RPRD1A: variants seen among roughly 807,000 people sequenced by gnomAD.
The protein encoded by RPRD1A is regulation of nuclear pre-mRNA domain-containing protein 1A.
RPRD1A carries 9 observed loss-of-function variants against 37.8 expected under a neutral mutation model. The ratio of observed to expected loss-of-function variants is 0.24; its 90% CI spans 0.14 to 0.42. The LOEUF is 0.42. RPRD1A is among the 10% of genes least tolerant of loss of function. RPRD1A has a pLI of 1.00. For missense variants in RPRD1A, 255 were observed against 371.0 expected (o/e 0.69, Z 2.57); for synonymous variants, 138 against 139.7 (o/e 0.99, Z 0.08).
intron 6 of RPRD1A, among the ~76,000 whole-genome samples, chr18:36,022,597 A>C (rs1044934256): frequency 1.3e-5 from 2 of 152,270 alleles, no homozygotes; most frequent in East Asian, 1.9e-4. Context: ...AAAAGAAACA[A>C]GTATAGATGA....
At chr18:36,056,690 A>G (rs1181984277) in intron 1 of RPRD1A, among the ~76,000 whole-genome samples, 1 of 152,138 alleles carries the variant, frequency 6.6e-6, no homozygotes, top group Non-Finnish European at 1.5e-5. Flanking sequence ...AGTATGGTAA[A>G]CCATTTTGTT....
chr18:36,052,655 A>C (rs941617483), intron 1 of RPRD1A, among the ~76,000 whole-genome samples: 25 of 152,164 alleles, frequency 1.6e-4, no homozygotes, highest in African/African-American at 4.1e-4. Flanking sequence ...GTGGAGTGCA[A>C]TCACACGATC....
In RPRD1A at chr18:36,048,034, C is replaced by T. The variant is rs1282124368; in HGVS notation, c.152-14197G>A. 4.0e-5 allele frequency among the ~76,000 whole-genome samples: 6 copies of T among 151,502 alleles called. No individual in the cohort carries two copies. The East Asian group carries it at 9.7e-4, about 24-fold the overall frequency. ...CAAAAAAGGAAAACTATAGACCAAC[C>T]ACCTTCATTAATACAGATGTACCCA... On this transcript the variant is annotated intron_variant, in intron 1 of 6. Coordinates refer to ENST00000399022, the MANE Select transcript of RPRD1A (RefSeq NM_018170.5).
At chr18:36,047,642 T>C (rs1913052842) in intron 1 of RPRD1A, among the ~76,000 whole-genome samples, 1 of 152,132 alleles carries the variant, frequency 6.6e-6, no homozygotes, top group Non-Finnish European at 1.5e-5. Flanking sequence ...TAAAACAGGA[T>C]ATCACTACAG....
At chr18:36,059,588 A>T (rs2144414063) in intron 1 of RPRD1A, among the ~76,000 whole-genome samples, 1 of 152,340 alleles carries the variant, frequency 6.6e-6, no homozygotes, top group South Asian at 2.1e-4. Flanking sequence ...AAGATTTAGA[A>T]TCTTCAATTT....
intron 6 of RPRD1A, among the ~76,000 whole-genome samples, chr18:36,016,082 GA>G (rs1910549335): frequency 6.6e-6 from 1 of 152,056 alleles, no homozygotes; most frequent in Admixed American, 6.5e-5. Context: ...AAAAGGCAAA[GA>G]GAAAAAAACT....
chr18:36,038,605 C>T (rs935648232), intron 1 of RPRD1A, among the ~76,000 whole-genome samples: 4 of 152,194 alleles, frequency 2.6e-5, no homozygotes, highest in South Asian at 2.1e-4. Context: ...GGGGTCCCCA[C>T]GAGGCACTGC....
intron 1 of RPRD1A, among the ~76,000 whole-genome samples, chr18:36,063,821 T>C (rs2088962663): frequency 6.6e-6 from 1 of 152,190 alleles, no homozygotes; most frequent in Non-Finnish European, 1.5e-5. Flanking sequence ...AAGGAAACCC[T>C]TGGCAGAGTA....
At chr18:36,041,547 A>C (rs923065742) in intron 1 of RPRD1A, among the ~76,000 whole-genome samples, 3 of 152,254 alleles carry the variant, frequency 2.0e-5, no homozygotes, top group Admixed American at 1.3e-4. Context: ...CAAACAAATT[A>C]AAAACACACA....
chr18:36,048,649 A>G (rs935079792), intron 1 of RPRD1A, among the ~76,000 whole-genome samples: 1 of 151,932 alleles, frequency 6.6e-6, no homozygotes, highest in Non-Finnish European at 1.5e-5. Context: ...CACCTAAAAA[A>G]AAAAAAGAAA....
At chr18:36,004,142 C>G (rs1464475310) in intron 6 of RPRD1A, among the ~76,000 whole-genome samples, 2 of 151,008 alleles carry the variant, frequency 1.3e-5, no homozygotes, top group Non-Finnish European at 2.9e-5. Context: ...AATTCTAGCT[C>G]TAACATGAAT....
At position 36,008,577 on chromosome 18, in the gene RPRD1A, G is replaced by GTGTATATATATATATATATATATA; in HGVS notation, c.790-15278_790-15277insTATATATATATATATATATATACA. Among the ~76,000 whole-genome samples, 27 of 47,796 alleles carry GTGTATATATATATATATATATATA rather than the reference G, an allele frequency of 5.6e-4. 1 individual carries two copies. Among genetic ancestry groups the GTGTATATATATATATATATATATA allele is most frequent in the African/African-American group, 1.8e-3 (27 of 14,816 alleles). The allele number at this position is 47,796 out of a possible 152,430, so 31.4% of individuals were successfully genotyped here. ...GGCGACACAGCAAGACCTTGTGTGTGTATATATATATATCTTTAAAAATCT... is the reference window on the plus strand; with the variant it reads ...GGCGACACAGCAAGACCTTGTGTGTGTGTATATATATATATATATATATATATATATATATATCTTTAAAAATCT... On this transcript the variant is annotated intron_variant, in intron 6 of 6. Coordinates refer to ENST00000399022, the MANE Select transcript of RPRD1A (RefSeq NM_018170.5).
chr18:36,025,800 T>G (rs538934311), intron 6 of RPRD1A: 38 of 336,214 alleles, frequency 1.1e-4, no homozygotes, highest in Non-Finnish European at 1.9e-4. Context: ...TGTTTAAAAT[T>G]GAGGTTTCAT....
chr18:36,038,053 A>G (rs916932215), intron 1 of RPRD1A, among the ~76,000 whole-genome samples: 3 of 152,194 alleles, frequency 2.0e-5, no homozygotes, highest in African/African-American at 4.8e-5. Context: ...AGTTCGAAAA[A>G]TTTGCAGCCT....
At chr18:36,001,119 T>C (rs770295832) in intron 6 of RPRD1A, among the ~76,000 whole-genome samples, 2 of 152,150 alleles carry the variant, frequency 1.3e-5, no homozygotes, top group Non-Finnish European at 2.9e-5. Context: ...TGATAAATTT[T>C]CTTAAACAAG....
intron 1 of RPRD1A, among the ~76,000 whole-genome samples, chr18:36,066,513 A>T (rs571038767): frequency 1.4e-4 from 22 of 152,394 alleles, no homozygotes; most frequent in African/African-American, 4.6e-4. Context: ...AATTTTTTAC[A>T]AAGTTGCTCT....
At chr18:36,045,745 G>A (rs1912909448) in intron 1 of RPRD1A, among the ~76,000 whole-genome samples, 1 of 152,180 alleles carries the variant, frequency 6.6e-6, no homozygotes, top group Admixed American at 6.5e-5. Context: ...CTAATGTGAT[G>A]CAACAGAAAT....
At chr18:36,065,746 A>G (rs2089017040) in intron 1 of RPRD1A, among the ~76,000 whole-genome samples, 1 of 152,184 alleles carries the variant, frequency 6.6e-6, no homozygotes, top group South Asian at 2.1e-4. Flanking sequence ...ATATTGTCAT[A>G]TTATTTTGCC....
chr18:36,046,681 A>C (rs987777050), intron 1 of RPRD1A, among the ~76,000 whole-genome samples: 12 of 151,844 alleles, frequency 7.9e-5, no homozygotes, highest in Admixed American at 2.0e-4. Flanking sequence ...AAAAAAAAAA[A>C]CAAAATCAGC....
Sources: gnomAD v4.1 joint callset for allele counts (sites outside exome capture counted in the v4.1 genomes callset) on GRCh38, gnomAD v4.1.1 for gene constraint, MANE v1.5 for transcripts, NCBI Gene and HGNC (gene_info 2026-07-23, HGNC 2026-07-21) for gene names.